The following WWP1 variants were observed in gnomAD, a reference collection of about 807,000 sequenced individuals.
The protein encoded by WWP1 is WW domain containing E3 ubiquitin protein ligase 1.
A neutral mutation model predicts 130.6 loss-of-function variants in WWP1; 49 were observed. The ratio of observed to expected loss-of-function variants is 0.38; its 90% CI spans 0.30 to 0.48. The LOEUF (loss-of-function observed/expected upper bound fraction) is 0.48. WWP1 is among the 20% of genes least tolerant of loss of function. WWP1 has a pLI of 0.99. For missense variants in WWP1, 809 were observed against 1,100.6 expected (o/e 0.74, Z 3.75); for synonymous variants, 332 against 367.8 (o/e 0.90, Z 1.11).
chr8:86,442,172 T>C (rs1810629200), intron 17 of WWP1: 1 of 152,874 alleles, frequency 6.5e-6, no homozygotes, highest in Non-Finnish European at 1.5e-5. Flanking sequence ...AATACATGGC[T>C]TTTGCCTTTG....
chr8:86,420,858 G>A (rs1402107578), intron 9 of WWP1, among the ~76,000 whole-genome samples: 1 of 152,196 alleles, frequency 6.6e-6, no homozygotes, highest in Non-Finnish European at 1.5e-5. Context: ...ATTAAAAATA[G>A]TAAAGGATAT....
intron 1 of WWP1, among the ~76,000 whole-genome samples, chr8:86,352,874 A>G (rs1823021645): frequency 6.6e-6 from 1 of 152,212 alleles, no homozygotes; most frequent in Non-Finnish European, 1.5e-5. Flanking sequence ...TCCTTGTTCA[A>G]AACATTTCCT....
chr8:86,454,722 C>G (rs1168026723), intron 21 of WWP1, among the ~76,000 whole-genome samples: 1 of 151,896 alleles, frequency 6.6e-6, no homozygotes, highest in Non-Finnish European at 1.5e-5. Flanking sequence ...AACGGGAGAT[C>G]AAGAAGCATA....
At position 86,402,100 on chromosome 8, in the gene WWP1, A is replaced by G. The variant is rs936878336; in HGVS notation, c.621A>G (p.Val207=). 38 of 1,614,042 alleles carry G rather than the reference A, an allele frequency of 2.4e-5. No individual in the cohort carries two copies. The highest frequency in any genetic ancestry group is 1.3e-4 in the African/African-American group (10 of 74,920). Residue 207 remains valine (V), a synonymous_variant, in exon 8 of 25, where the codon GTA becomes GTG. Coordinates refer to ENST00000517970, the MANE Select transcript of WWP1 (RefSeq NM_007013.4). ...TCCAAAACTCATGCTGCTCGTATGT[A>G]GTTAATGGAGACAACACACCTTCAT... ...TLVQNSCCSY[V]VNGDNTPSSP... is the part of the protein sequence containing the mutation.
At chr8:86,390,495 C>A (rs1228025903) in intron 5 of WWP1, among the ~76,000 whole-genome samples, 2 of 152,176 alleles carry the variant, frequency 1.3e-5, no homozygotes, top group Admixed American at 6.5e-5. Flanking sequence ...GAGCTGGAGA[C>A]CAGCCCGTCC....
At chr8:86,455,549 A>AT (rs1212599215) in intron 21 of WWP1, among the ~76,000 whole-genome samples, 1 of 152,012 alleles carries the variant, frequency 6.6e-6, no homozygotes, top group Non-Finnish European at 1.5e-5. Context: ...TAAAATTTAG[A>AT]TTTTGGTTTC....
chr8:86,431,968 C>A (rs1183072688), intron 14 of WWP1, among the ~76,000 whole-genome samples: 1 of 152,144 alleles, frequency 6.6e-6, no homozygotes, highest in African/African-American at 2.4e-5. Flanking sequence ...GTTCTAAGTA[C>A]TTCATAGGTA....
intron 17 of WWP1, 145 bp downstream of exon 17, chr8:86,438,818 CATT>C (rs1810436548): frequency 6.8e-6 from 4 of 584,016 alleles, no homozygotes; most frequent in African/African-American, 3.7e-5. Flanking sequence ...ACACGGTAAC[CATT>C]ATTATTATTA....
chr8:86,429,137 G>A (rs1204089159), intron 11 of WWP1, among the ~76,000 whole-genome samples: 1 of 152,172 alleles, frequency 6.6e-6, no homozygotes, highest in East Asian at 1.9e-4. Context: ...TGCACTATGG[G>A]CCTCACATCC....
chr8:86,465,061 A>G (rs1188334761), intron 24 of WWP1, among the ~76,000 whole-genome samples: 1 of 152,170 alleles, frequency 6.6e-6, no homozygotes, highest in Non-Finnish European at 1.5e-5. Flanking sequence ...GCTAAGAGTG[A>G]AGAAAGGAAA....
At chr8:86,389,205 AG>A (rs1198306218) in intron 5 of WWP1, among the ~76,000 whole-genome samples, 1 of 146,970 alleles carries the variant, frequency 6.8e-6, no homozygotes, top group South Asian at 2.2e-4. Flanking sequence ...TTTCTCGGAG[AG>A]GGGGATTTGG....
intron 18 of WWP1, among the ~76,000 whole-genome samples, chr8:86,445,812 A>T (rs146655800): frequency 6.6e-6 from 1 of 151,930 alleles, no homozygotes; most frequent in Non-Finnish European, 1.5e-5. Flanking sequence ...CCTTGCCAAC[A>T]TCTGTTATTT....
chr8:86,457,848 A>C, intron 21 of WWP1, 73 bp from the exon 22 acceptor site: 1 of 1,396,212 alleles, frequency 7.2e-7, no homozygotes, highest in Non-Finnish European at 1.0e-6. Flanking sequence ...TAACTGCATT[A>C]GGAAATTTCA....
intron 17 of WWP1, among the ~76,000 whole-genome samples, chr8:86,439,258 G>A (rs111771495): frequency 6.6e-6 from 1 of 150,822 alleles, no homozygotes; most frequent in African/African-American, 2.4e-5. Context: ...CAGGAGAATG[G>A]TGTGAACCCA....
intron 18 of WWP1, among the ~76,000 whole-genome samples, chr8:86,447,184 C>T (rs1271710546): frequency 6.6e-6 from 1 of 152,174 alleles, no homozygotes; most frequent in Non-Finnish European, 1.5e-5. Context: ...TAGGTACAGG[C>T]ATTGAGTAAC....
At chr8:86,369,054 A>G (rs1824137240) in intron 2 of WWP1, 23 bp downstream of exon 2, 1 of 152,176 alleles carries the variant, frequency 6.6e-6, no homozygotes. Flanking sequence ...CAATTTTTTT[A>G]AAACTAAGAC....
At chr8:86,426,719 G>C (rs1809644322) in intron 10 of WWP1, among the ~76,000 whole-genome samples, 1 of 152,172 alleles carries the variant, frequency 6.6e-6, no homozygotes, top group African/African-American at 2.4e-5. Context: ...TGTGTTTCAG[G>C]AAGAAAATTG....
At chr8:86,430,412 CTGGGACTTTAGGCATG>C (rs1809871981) in intron 11 of WWP1, among the ~76,000 whole-genome samples, 1 of 151,922 alleles carries the variant, frequency 6.6e-6, no homozygotes, top group Non-Finnish European at 1.5e-5. Context: ...TTCCAAGTAG[CTGGGACTTTAGGCATG>C]TGCCAACACA....
At chr8:86,376,570 A>G (rs1333242336) in intron 3 of WWP1, among the ~76,000 whole-genome samples, 2 of 150,254 alleles carry the variant, frequency 1.3e-5, no homozygotes, top group Non-Finnish European at 3.0e-5. Flanking sequence ...CTCTGTCTCA[A>G]AAAAAAAAGA....
Sources: gnomAD v4.1 joint callset for allele counts (sites outside exome capture counted in the v4.1 genomes callset) on GRCh38, gnomAD v4.1.1 for gene constraint, MANE v1.5 for transcripts, NCBI Gene and HGNC (gene_info 2026-07-23, HGNC 2026-07-21) for gene names.